VDAC2: variants seen among roughly 807,000 people sequenced by gnomAD.
VDAC2 encodes non-selective voltage-gated ion channel VDAC2.
Under a neutral mutation model 36.6 loss-of-function variants are expected in VDAC2, and 6 were observed. The observed-to-expected ratio is 0.16, with a 90% CI of 0.09 to 0.32. VDAC2 has a LOEUF of 0.32. VDAC2 is among the 10% of genes least tolerant of loss of function. The pLI is 1.00. For missense variants in VDAC2, 247 were observed against 346.0 expected, an observed-to-expected ratio of 0.71 and a Z score of 2.27; for synonymous variants, 109 against 123.8, an observed-to-expected ratio of 0.88 and a Z score of 0.79.
intron 7 of VDAC2, among the ~76,000 whole-genome samples, chr10:75,221,623 GT>G (rs1375252715): frequency 6.6e-6 from 1 of 151,956 alleles, no homozygotes; most frequent in South Asian, 2.1e-4. Context: ...GGCTATTGTT[GT>G]TTTTTTGTTT....
Position 75,220,937 on chromosome 10 carries a change from A to G in VDAC2, c.551A>G (p.Tyr184Cys), listed in dbSNP as rs1236958986. ...ACAAGGAATAACTTTGCAGTGGGCTACAGGACTGGGGACTTCCAGCTACAC... is the reference window on the plus strand; with the variant it reads ...ACAAGGAATAACTTTGCAGTGGGCTGCAGGACTGGGGACTTCCAGCTACAC... ...KLTRNNFAVG[Y>C]RTGDFQLHTN... The change falls in exon 7 of 10, where the codon TAC becomes TGC. Residue 184 changes from tyrosine to cysteine, a missense_variant. Physicochemically the swap from Tyr to Cys is radical, Grantham distance 194. Transcript: ENST00000332211. The G allele has an allele frequency of 5.0e-6, 8 of 1,613,342 alleles. No individual in the cohort carries two copies. The highest frequency in any genetic ancestry group is 6.8e-6 in the Non-Finnish European group (8 of 1,179,532).
In VDAC2 at chr10:75,211,199, G is replaced by T. The variant is rs1363077072; in HGVS notation, c.31+10G>T. ...CAGACTTGCGCGCGTCGTAAGTAAA[G>T]CTGGGATCTCTGCGGGATGGGGCGG... On this transcript the variant is annotated intron_variant, in intron 2 of 9. Coordinates refer to ENST00000332211, the MANE Select transcript of VDAC2 (RefSeq NM_001391963.1). The T allele has an allele frequency of 6.2e-7, 1 of 1,612,946 alleles. No homozygotes were observed. The highest frequency in any genetic ancestry group is 8.5e-7 in the Non-Finnish European group (1 of 1,179,542).
chr10:75,225,796 TTTTTGTTTTG>T (rs145911980), intron 8 of VDAC2, among the ~76,000 whole-genome samples: 42 of 151,820 alleles, frequency 2.8e-4, no homozygotes, highest in Non-Finnish European at 5.1e-4. Context: ...GAGTAGGTTT[TTTTTGTTTTG>T]TTTTGTTTTG....
chr10:75,226,249 G>C (rs1841948379), intron 8 of VDAC2, among the ~76,000 whole-genome samples: 1 of 150,366 alleles, frequency 6.7e-6, no homozygotes, highest in South Asian at 2.1e-4. Flanking sequence ...AGGGATCCCT[G>C]TTTGAAACCA....
At chr10:75,221,396 G>A (rs541892629) in intron 7 of VDAC2, among the ~76,000 whole-genome samples, 2 of 151,206 alleles carry the variant, frequency 1.3e-5, no homozygotes, top group Admixed American at 6.6e-5. Context: ...GCTCTTTTGC[G>A]ATCTCGGCTC....
rs1382207028 is a variant in VDAC2 at position 75,211,139 on chromosome 10, C to T, written c.-20C>T. 3 of 1,611,042 alleles carry T rather than the reference C, an allele frequency of 1.9e-6. No individual in the cohort carries two copies. The highest frequency in any genetic ancestry group is 2.5e-6 in the Non-Finnish European group (3 of 1,178,674). ...ACTTCTTGTCCCTCCCGCAGATTCC[C>T]CTCTTCCCGCGGCCTCGCCATGGCG... On this transcript the variant is annotated 5_prime_UTR_variant, in exon 2 of 10. Transcript: ENST00000332211.
chr10:75,217,772 C>CTA (rs1217638013), intron 4 of VDAC2: 3 of 522,738 alleles, frequency 5.7e-6, no homozygotes, highest in Admixed American at 7.2e-5. Context: ...GATGTAAGAC[C>CTA]TAAGGATTTG....
chr10:75,215,655 A>C (rs867023746), intron 4 of VDAC2, among the ~76,000 whole-genome samples: 1 of 151,722 alleles, frequency 6.6e-6, no homozygotes, highest in African/African-American at 2.4e-5. Flanking sequence ...CCCGGCCTAT[A>C]TAGACATTTT....
Position 75,214,042 on chromosome 10 carries a change from A to T in VDAC2, c.122A>T (p.Asp41Val). ...GAAGGTTTTGGGTTGGTGAAACTGG[A>T]TGTGAAAACAAAGTCTTGCAGTGGC... ...KGFGFGLVKL[D>V]VKTKSCSGVE... Residue 41 changes from aspartate to valine, a missense_variant, in exon 4 of 10, where the codon GAT becomes GTT. By Grantham distance (152) the Asp-to-Val change is radical. Around this residue, in one of 3 missense-constraint regions of VDAC2, gnomAD observed 76 missense variants for 76.9 expected, o/e 0.99. Coordinates refer to ENST00000332211, the MANE Select transcript of VDAC2 (RefSeq NM_001391963.1). The T allele has an allele frequency of 6.2e-7, 1 of 1,613,352 alleles. No homozygotes were observed. Among genetic ancestry groups the T allele is most frequent in the South Asian group, 1.1e-5 (1 of 91,050 alleles).
At chr10:75,220,093 T>C (rs1480714114) in intron 6 of VDAC2, among the ~76,000 whole-genome samples, 2 of 151,604 alleles carry the variant, frequency 1.3e-5, no homozygotes, top group Admixed American at 6.6e-5. Context: ...CCCAAAGTGC[T>C]GGGATTACAG....
At chr10:75,214,298 C>G (rs571805678) in intron 4 of VDAC2, among the ~76,000 whole-genome samples, 1 of 152,244 alleles carries the variant, frequency 6.6e-6, no homozygotes, top group South Asian at 2.1e-4. Context: ...TAGGAAAGAC[C>G]AGTCAGGTGG....
chr10:75,221,896 C>G (rs916896947), intron 7 of VDAC2, among the ~76,000 whole-genome samples: 3 of 152,200 alleles, frequency 2.0e-5, no homozygotes, highest in African/African-American at 7.2e-5. Context: ...ACGTTTCTTA[C>G]AATCATGCCA....
chr10:75,213,604 C>A (rs948150286), intron 3 of VDAC2, among the ~76,000 whole-genome samples: 1 of 152,036 alleles, frequency 6.6e-6, no homozygotes, highest in African/African-American at 2.4e-5. Flanking sequence ...ATTAGCCAGG[C>A]GTGGTGGCAC....
chr10:75,211,845 G>T (rs1033600790), intron 2 of VDAC2, among the ~76,000 whole-genome samples: 13 of 152,174 alleles, frequency 8.5e-5, no homozygotes, highest in Non-Finnish European at 1.9e-4. Flanking sequence ...CCTAGTCTTA[G>T]GTTTCGGTTT....
rs927493421 is a variant in VDAC2 at position 75,231,365 on chromosome 10, G to A, written c.*376G>A. 2 of 156,982 alleles carry A rather than the reference G, an allele frequency of 1.3e-5. No individual in the cohort carries two copies. The highest frequency in any genetic ancestry group is 4.8e-5 in the African/African-American group (2 of 41,526). The allele number at this position is 156,982 out of a possible 1,614,324, so 9.7% of individuals were successfully genotyped here. ...GATGGATCAGTGGATATTAAGATGA[G>A]GTTACAAATTTTGTTAAGTTCAGCC... is the stretch of plus-strand genomic sequence containing the variant. On this transcript the variant is annotated 3_prime_UTR_variant, in exon 10 of 10. Coordinates refer to ENST00000332211, the MANE Select transcript of VDAC2 (RefSeq NM_001391963.1).
chr10:75,211,346 G>A, intron 2 of VDAC2, 157 bp downstream of exon 2: 2 of 1,387,772 alleles, frequency 1.4e-6, no homozygotes, highest in Non-Finnish European at 1.9e-6. Flanking sequence ...TGCGGAGGAG[G>A]GGCTGGGCTG....
At chr10:75,227,598 T>TTTTTTTTTTGG (rs1355248368) in intron 8 of VDAC2, among the ~76,000 whole-genome samples, 1 of 149,090 alleles carries the variant, frequency 6.7e-6, no homozygotes, top group African/African-American at 2.5e-5. Context: ...TTTTTTTTTT[T>TTTTTTTTTTGG]GGAGACAGAG....
chr10:75,220,770 T>C lies in VDAC2; in HGVS notation c.384T>C (p.Ser128=), dbSNP rs1384998387. ...AGAAAAGTGGTAAAATCAAGTCTTCTTACAAGAGGGAGTGTATAAACCTTG... is the reference window on the plus strand; with the variant it reads ...AGAAAAGTGGTAAAATCAAGTCTTCCTACAAGAGGGAGTGTATAAACCTTG... ...TGKKSGKIKS[S]YKRECINLGC... Residue 128 remains serine (S), a synonymous_variant, in exon 7 of 10, where the codon TCT becomes TCC. Transcript: ENST00000332211. The C allele has an allele frequency of 1.2e-6, 2 of 1,610,546 alleles. No homozygotes were observed. Among genetic ancestry groups the C allele is most frequent in the Non-Finnish European group, 8.5e-7 (1 of 1,178,650 alleles).
chr10:75,211,226 G>A, intron 2 of VDAC2, 37 bp downstream of exon 2: 1 of 1,608,630 alleles, frequency 6.2e-7, no homozygotes, highest in South Asian at 1.1e-5. Context: ...ATGGGGCGGC[G>A]GAGAGTCGAA....
Sources: allele counts gnomAD v4.1 joint callset (sites outside exome capture counted in the v4.1 genomes callset), GRCh38; gene constraint gnomAD v4.1.1; regional missense constraint gnomAD v4.1.1; transcripts MANE v1.5; gene names NCBI Gene and HGNC (gene_info 2026-07-23, HGNC 2026-07-21).